ARHGAP18: variants seen among roughly 807,000 people sequenced by gnomAD.
ARHGAP18 encodes Rho GTPase activating protein 18, also known as rho GTPase-activating protein 18.
ARHGAP18 carries 67 observed loss-of-function variants against 86.2 expected under a neutral mutation model. That is an observed-to-expected ratio of 0.78 (90% confidence interval 0.64 to 0.95). The LOEUF (loss-of-function observed/expected upper bound fraction) is 0.95, where lower values mean the gene tolerates loss of function less well. Among genes scored for constraint, ARHGAP18 ranks in the 40% least tolerant of loss-of-function variants. The pLI is 0.00. For synonymous variants in ARHGAP18, 283 were observed against 280.4 expected, an observed-to-expected ratio of 1.01 and a Z score of -0.09; for missense variants, 691 against 780.4, an observed-to-expected ratio of 0.89 and a Z score of 1.37.
chr6:129,599,404 A>G (rs1043972016), intron 11 of ARHGAP18, 48 bp from the exon 12 acceptor site: 2 of 1,380,246 alleles, frequency 1.4e-6, no homozygotes, highest in Non-Finnish European at 1.9e-6. Context: ...AAATGCCACC[A>G]TTTTAAACTA....
chr6:129,654,601 G>A (rs1773788413), intron 1 of ARHGAP18, among the ~76,000 whole-genome samples: 1 of 152,192 alleles, frequency 6.6e-6, no homozygotes, highest in Non-Finnish European at 1.5e-5. Flanking sequence ...AAGAGCGTAA[G>A]TAGTTCATGG....
chr6:129,588,489 G>A (rs1238269209), intron 12 of ARHGAP18, among the ~76,000 whole-genome samples: 2 of 152,206 alleles, frequency 1.3e-5, no homozygotes, highest in Non-Finnish European at 2.9e-5. Context: ...TGATACAAGA[G>A]GTAGGCTCTA....
intron 1 of ARHGAP18, among the ~76,000 whole-genome samples, chr6:129,648,245 A>G (rs1198289166): frequency 2.0e-5 from 3 of 151,730 alleles, no homozygotes; most frequent in African/African-American, 7.2e-5. Context: ...ATCATAGCTC[A>G]CTGCAGCCTC....
intron 5 of ARHGAP18, among the ~76,000 whole-genome samples, chr6:129,625,688 T>C (rs1464815538): frequency 4.4e-5 from 3 of 68,162 alleles, no homozygotes; most frequent in Non-Finnish European, 7.7e-5. Context: ...TATATATTTA[T>C]ATATTATATA....
chr6:129,630,874 T>C (rs2114489016), intron 4 of ARHGAP18, among the ~76,000 whole-genome samples: 1 of 152,268 alleles, frequency 6.6e-6, no homozygotes, highest in East Asian at 1.9e-4. Flanking sequence ...CCTGATGGAA[T>C]CTCACAGTTA....
rs529126742 is a variant in ARHGAP18 at position 129,590,120 on chromosome 6, T to C, written c.1714-6008A>G. The stretch of plus-strand genomic sequence containing the variant: ...TGCCCACCAAGCCTCTCCCAGTCCA[T>C]TGACCCAAATATTAATCTTCTTTGG... On this transcript the variant is annotated intron_variant, in intron 12 of 14. Coordinates refer to ENST00000368149, the MANE Select transcript of ARHGAP18 (RefSeq NM_033515.3). 5.3e-5 allele frequency among the ~76,000 whole-genome samples: 8 copies of C among 152,308 alleles called. No homozygotes were observed. The South Asian group carries it at 1.5e-3, about 28-fold the overall frequency.
rs1299413613 is a variant in ARHGAP18 at position 129,686,982 on chromosome 6, T to TC, written c.113+23041_113+23042insG. The stretch of plus-strand genomic sequence containing the variant: ...ATTTTTTTTTCTTTTTTTTTTCTTT[T>TC]TTTTTTTTTTTTTTGTATTTTTGTA... On this transcript the variant is annotated intron_variant, in intron 1 of 14. Coordinates refer to ENST00000368149, the MANE Select transcript of ARHGAP18 (RefSeq NM_033515.3). Among the ~76,000 whole-genome samples, 3 of 67,606 alleles carry TC rather than the reference T, an allele frequency of 4.4e-5. No individual in the cohort carries two copies. In the East Asian group the frequency reaches 1.1e-3, roughly 24 times the overall value. 44.4% of individuals were successfully genotyped at this position (67,606 alleles called of 152,430 possible).
At chr6:129,592,322 A>T (rs991308809) in intron 12 of ARHGAP18, among the ~76,000 whole-genome samples, 2 of 152,230 alleles carry the variant, frequency 1.3e-5, no homozygotes, top group African/African-American at 4.8e-5. Context: ...TTCTAAACAG[A>T]GTTGTGCATA....
At chr6:129,616,462 C>T (rs112329423) in intron 6 of ARHGAP18, among the ~76,000 whole-genome samples, 159 bp from the exon 7 acceptor site, 2 of 152,000 alleles carry the variant, frequency 1.3e-5, no homozygotes, top group African/African-American at 4.8e-5. Flanking sequence ...TATATGGTGG[C>T]CAATAGTAAA....
intron 1 of ARHGAP18, among the ~76,000 whole-genome samples, chr6:129,671,441 A>G (rs1774138993): frequency 6.6e-6 from 1 of 152,206 alleles, no homozygotes; most frequent in South Asian, 2.1e-4. Context: ...GCTTATGCCT[A>G]TAACCTCAGT....
At chr6:129,640,056 AAAAAAAAAC>A (rs1773419347) in intron 2 of ARHGAP18, among the ~76,000 whole-genome samples, 1 of 151,306 alleles carries the variant, frequency 6.6e-6, no homozygotes, top group African/African-American at 2.4e-5. Context: ...AAAAAAAAAA[AAAAAAAAAC>A]AAACAAAAGT....
intron 1 of ARHGAP18, among the ~76,000 whole-genome samples, chr6:129,690,966 G>T (rs958449407): frequency 6.6e-6 from 1 of 151,880 alleles, no homozygotes; most frequent in Non-Finnish European, 1.5e-5. Context: ...AATGCTACTC[G>T]AATGCAAAAT....
intron 1 of ARHGAP18, among the ~76,000 whole-genome samples, chr6:129,684,554 T>C (rs1073246): frequency 0.024 from 3,606 of 152,346 alleles, 77 homozygotes; most frequent in Non-Finnish European, 0.036. Context: ...CATGTTAGAA[T>C]GCTGTGTGTT....
At chr6:129,630,856 C>T (rs9375644) in intron 4 of ARHGAP18, among the ~76,000 whole-genome samples, 80,556 of 151,940 alleles carry the variant, frequency 0.53, 22,449 homozygotes, top group African/African-American at 0.71. Context: ...GCAAATTACA[C>T]AGCTGGTCCT....
chr6:129,625,084 TATATGATATA>T (rs1789330364), intron 5 of ARHGAP18, among the ~76,000 whole-genome samples: 2 of 103,954 alleles, frequency 1.9e-5, no homozygotes, highest in Non-Finnish European at 3.6e-5. Flanking sequence ...ATATATATGA[TATATGATATA>T]TGATATATAT....
intron 4 of ARHGAP18, among the ~76,000 whole-genome samples, chr6:129,629,796 G>A (rs1289926923): frequency 6.6e-6 from 1 of 152,102 alleles, no homozygotes. Flanking sequence ...CCAAAACATT[G>A]CTGGAAGATA....
chr6:129,644,581 T>C (rs1773542084), intron 1 of ARHGAP18, among the ~76,000 whole-genome samples: 1 of 152,180 alleles, frequency 6.6e-6, no homozygotes, highest in African/African-American at 2.4e-5. Context: ...CCACCTTACT[T>C]CTGTCTCCTT....
At chr6:129,642,964 TTC>T (rs1318264545) in intron 1 of ARHGAP18, among the ~76,000 whole-genome samples, 2 of 152,174 alleles carry the variant, frequency 1.3e-5, no homozygotes, top group Admixed American at 1.3e-4. Context: ...CCTCAAACAT[TTC>T]TCTCTCAGAT....
chr6:129,677,362 C>T (rs1009894934), intron 1 of ARHGAP18, among the ~76,000 whole-genome samples: 1 of 151,668 alleles, frequency 6.6e-6, no homozygotes, highest in African/African-American at 2.4e-5. Context: ...CACTGCAGTC[C>T]GGCCCTGGCG....
Sources: gnomAD v4.1 joint callset for allele counts (sites outside exome capture counted in the v4.1 genomes callset) on GRCh38, gnomAD v4.1.1 for gene constraint, MANE v1.5 for transcripts, NCBI Gene and HGNC (gene_info 2026-07-23, HGNC 2026-07-21) for gene names.